The following PACS2 variants were observed in gnomAD, a reference collection of about 807,000 sequenced individuals.
The protein encoded by PACS2 is phosphofurin acidic cluster sorting protein 2.
A neutral mutation model predicts 113.0 loss-of-function variants in PACS2; 36 were observed. The observed-to-expected ratio is 0.32, with a 90% CI of 0.24 to 0.42. PACS2 has a LOEUF of 0.42. Among genes scored for constraint, PACS2 ranks in the 10% least tolerant of loss-of-function variants. PACS2 has a pLI of 1.00. For synonymous variants in PACS2, 589 were observed against 536.1 expected (o/e 1.10, Z -1.36); for missense variants, 1,015 against 1,239.5 (o/e 0.82, Z 2.72).
chr14:105,362,864 A>T (rs888423472), intron 4 of PACS2, among the ~76,000 whole-genome samples: 2 of 152,088 alleles, frequency 1.3e-5, no homozygotes, highest in Non-Finnish European at 1.5e-5. Context: ...TAATAATAAG[A>T]CTTGAAAGTT....
At position 105,340,951 on chromosome 14, in the gene PACS2, G is replaced by A. The variant is rs372606830; in HGVS notation, c.120-7542G>A. Among the ~76,000 whole-genome samples the A allele has an allele frequency of 6.8e-4, 104 of 152,356 alleles. No individual in the cohort carries two copies. Among genetic ancestry groups the A allele is most frequent in the African/African-American group, 2.3e-3 (97 of 41,582 alleles). On this transcript the variant is annotated intron_variant, in intron 1 of 24. Coordinates refer to ENST00000447393, the MANE Select transcript of PACS2 (RefSeq NM_001100913.3). This position sits in a 1 kb window ranked among gnomAD's most constrained non-coding sequence, Gnocchi z 4.2. ...TTGCCCCGTCTCTGGCCACGTAGCC[G>A]TCACCCAGCTAGCATGGGGAGGCTC... is the stretch of plus-strand genomic sequence containing the variant.
intron 9 of PACS2, among the ~76,000 whole-genome samples, chr14:105,378,919 A>G (rs2080880728): frequency 6.6e-6 from 1 of 150,462 alleles, no homozygotes; most frequent in South Asian, 2.1e-4. Flanking sequence ...TGGTCTGGAA[A>G]GGCATGGATG....
Position 105,356,438 on chromosome 14 carries a change from C to T in PACS2, c.423+1261C>T, listed in dbSNP as rs1345869342. ...CAAACCACGGACAGCACGGGTGGAC[C>T]GGGCCTCCAGGCTGCACTTCCCAGG... On this transcript the variant is annotated intron_variant, in intron 4 of 24. Coordinates refer to ENST00000447393, the MANE Select transcript of PACS2 (RefSeq NM_001100913.3). The surrounding 1 kb of genome is among the most constrained non-coding windows in gnomAD (Gnocchi z 4.0). Among the ~76,000 whole-genome samples the T allele has an allele frequency of 4.6e-5, 7 of 152,148 alleles. No individual in the cohort carries two copies. The highest frequency in any genetic ancestry group is 1.2e-4 in the African/African-American group (5 of 41,442).
At chr14:105,374,912 G>A (rs2061293313) in intron 8 of PACS2, 1 of 152,236 alleles carries the variant, frequency 6.6e-6, no homozygotes. Flanking sequence ...TTGTGAGGCT[G>A]ATTGCTCTGT....
At chr14:105,341,163 A>G (rs1283481775) in intron 1 of PACS2, among the ~76,000 whole-genome samples, 3 of 152,260 alleles carry the variant, frequency 2.0e-5, no homozygotes, top group African/African-American at 7.2e-5. Flanking sequence ...TCCCAAGTGT[A>G]GAGAACATGT....
At chr14:105,394,156 C>T (rs2081466859) in intron 24 of PACS2, 3 of 981,212 alleles carry the variant, frequency 3.1e-6, no homozygotes, top group Non-Finnish European at 3.6e-6. Context: ...TCCAGGTCGA[C>T]GTGGCCCTGT....
intron 2 of PACS2, among the ~76,000 whole-genome samples, chr14:105,349,597 C>G (rs1555403446): frequency 6.6e-6 from 1 of 152,278 alleles, no homozygotes; most frequent in East Asian, 1.9e-4. Context: ...AGCACTGGGT[C>G]TTGAGTGCGA....
intron 8 of PACS2, chr14:105,371,546 A>C (rs1270640526): frequency 6.6e-6 from 1 of 152,112 alleles, no homozygotes; most frequent in Non-Finnish European, 1.5e-5. Flanking sequence ...ACTTTAATGG[A>C]GTGATGGGAT....
rs1388367513 is a variant in PACS2, at chr14:105,323,961, CA to C, written c.119+8926del. On this transcript the variant is annotated intron_variant, in intron 1 of 24. Coordinates refer to ENST00000447393, the MANE Select transcript of PACS2 (RefSeq NM_001100913.3). The surrounding 1 kb of genome is among the most constrained non-coding windows in gnomAD (Gnocchi z 4.1). ...GTCCGCGCAGGCTGTGCCCTGCTTTCAAGATGCCTGGAAACCTCTGGCAGCT... is the reference window on the plus strand; with the variant it reads ...GTCCGCGCAGGCTGTGCCCTGCTTTCAGATGCCTGGAAACCTCTGGCAGCT... Among the ~76,000 whole-genome samples the C allele has an allele frequency of 6.6e-6, 1 of 152,268 alleles. No homozygotes were observed. The highest frequency in any genetic ancestry group is 1.5e-5 in the Non-Finnish European group (1 of 68,046).
At chr14:105,339,236 G>A (rs2140952312) in intron 1 of PACS2, among the ~76,000 whole-genome samples, 1 of 152,336 alleles carries the variant, frequency 6.6e-6, no homozygotes, top group South Asian at 2.1e-4. Context: ...GTTGGGTGTG[G>A]TGGCTCATGC....
intron 2 of PACS2, among the ~76,000 whole-genome samples, chr14:105,350,195 G>A (rs1339454330): frequency 6.6e-6 from 1 of 152,128 alleles, no homozygotes; most frequent in Non-Finnish European, 1.5e-5. Flanking sequence ...CTCTCTGTGG[G>A]CCATTGCCAC....
rs8016693 is a variant in PACS2, at chr14:105,368,410, A to G, written c.661-49A>G. On this transcript the variant is annotated intron_variant, in intron 6 of 24. Coordinates refer to ENST00000447393, the MANE Select transcript of PACS2 (RefSeq NM_001100913.3). ...ACGCTGAGGCTGGCAGGGTCCTGCC[A>G]GCACTATGCAGGCTGCCGTGGCCTC... The G allele has an allele frequency of 7.9e-3, 11,216 of 1,424,422 alleles. 574 individuals are homozygous for G. In the African/African-American group the frequency reaches 0.12, roughly 15 times the overall value. The allele number at this position is 1,424,422 out of a possible 1,614,324, so 88.2% of individuals were successfully genotyped here.
chr14:105,388,446 C>T (rs782314379), intron 19 of PACS2, among the ~76,000 whole-genome samples: 3 of 152,228 alleles, frequency 2.0e-5, no homozygotes, highest in Non-Finnish European at 2.9e-5. Flanking sequence ...GAGGAGATAG[C>T]GCTGCTGGTC....
At chr14:105,380,621 C>A (rs587691017) in intron 11 of PACS2, among the ~76,000 whole-genome samples, 1 of 147,806 alleles carries the variant, frequency 6.8e-6, no homozygotes, top group Admixed American at 6.7e-5. Context: ...TCAGGGCCCC[C>A]GGACTCCCCC....
intron 6 of PACS2, 140 bp downstream of exon 6, chr14:105,368,287 C>A: frequency 1.2e-6 from 1 of 811,184 alleles, no homozygotes; most frequent in Non-Finnish European, 2.0e-6. Flanking sequence ...CCGCCCATCT[C>A]TCGTCTCCCG....
chr14:105,342,046 G>A (rs1206729149), intron 1 of PACS2, among the ~76,000 whole-genome samples: 2 of 152,218 alleles, frequency 1.3e-5, no homozygotes, highest in African/African-American at 4.8e-5. Flanking sequence ...TGTAAGGAAC[G>A]TGAGCTTCTG....
intron 14 of PACS2, 29 bp downstream of exon 14, chr14:105,382,610 G>A: frequency 1.4e-6 from 2 of 1,385,030 alleles, no homozygotes; most frequent in East Asian, 2.3e-5. Context: ...GGAGTGGAGG[G>A]TCAGGGTGTA....
chr14:105,350,112 T>A (rs1555403627), intron 2 of PACS2, among the ~76,000 whole-genome samples: 1 of 151,724 alleles, frequency 6.6e-6, no homozygotes, highest in Non-Finnish European at 1.5e-5. Flanking sequence ...GTCCTGCCCA[T>A]GGGTGTGGCC....
Position 105,376,236 on chromosome 14 carries a change from A to G in PACS2, c.802-532A>G, listed in dbSNP as rs79047171. On this transcript the variant is annotated intron_variant, in intron 8 of 24. Transcript: ENST00000447393. This position sits in a 1 kb window ranked among gnomAD's most constrained non-coding sequence, Gnocchi z 4.7. ...TTGGGTGGGGACACAGTGGAACATG[A>G]AGTGTGCCACGCTGGGTGGATGACG... Among the ~76,000 whole-genome samples, 4,648 of 151,920 alleles carry G rather than the reference A, an allele frequency of 0.031. 247 individuals are homozygous for G. Among genetic ancestry groups the G allele is most frequent in the African/African-American group, 0.1 (4,327 of 41,372 alleles).
Sources: gnomAD v4.1 joint callset for allele counts (sites outside exome capture counted in the v4.1 genomes callset) on GRCh38, gnomAD v4.1.1 for gene constraint, Gnocchi (gnomAD v3.1) non-coding constraint, MANE v1.5 for transcripts, NCBI Gene and HGNC (gene_info 2026-07-23, HGNC 2026-07-21) for gene names.